SLC35D4: variants seen among roughly 807,000 people sequenced by gnomAD.
The protein encoded by SLC35D4 is UDP-N-acetylglucosamine transporter SLC35D4.
the SLC35D4 span, among the ~76,000 whole-genome samples, chr18:23,387,567 C>T: frequency 6.6e-5 from 10 of 152,134 alleles, no homozygotes; most frequent in African/African-American, 2.2e-4. Context: ...AAAATTATGC[C>T]GCTTGCCTAC....
the SLC35D4 span, among the ~76,000 whole-genome samples, chr18:23,298,410 C>A: frequency 1.3e-5 from 2 of 152,202 alleles, no homozygotes; most frequent in Non-Finnish European, 2.9e-5. Flanking sequence ...CCCATAGAGG[C>A]CTCTGGTGCT....
chr18:23,318,343 A>G, the SLC35D4 span, among the ~76,000 whole-genome samples: 1 of 152,218 alleles, frequency 6.6e-6, no homozygotes, highest in Non-Finnish European at 1.5e-5. Context: ...GTCCCATATC[A>G]GATATATGAT....
the SLC35D4 span, among the ~76,000 whole-genome samples, chr18:23,336,288 C>G: frequency 3.9e-4 from 60 of 152,310 alleles, no homozygotes; most frequent in African/African-American, 1.3e-3. Context: ...ATGCGAATGG[C>G]AGCTCCCAAA....
At chr18:23,347,019 C>T in the SLC35D4 span, among the ~76,000 whole-genome samples, 1 of 152,164 alleles carries the variant, frequency 6.6e-6, no homozygotes, top group Non-Finnish European at 1.5e-5. Flanking sequence ...GGTAACCCAC[C>T]TCATAGAATA....
the SLC35D4 span, among the ~76,000 whole-genome samples, chr18:23,414,075 C>T: frequency 6.7e-6 from 1 of 149,192 alleles, no homozygotes; most frequent in Non-Finnish European, 1.5e-5. Context: ...GCCAAGATGG[C>T]GAAACCCCGT....
At chr18:23,268,582 A>T in the SLC35D4 span, among the ~76,000 whole-genome samples, 1 of 152,014 alleles carries the variant, frequency 6.6e-6, no homozygotes, top group Non-Finnish European at 1.5e-5. Context: ...GGGTTGTAGC[A>T]AGCAGAACAT....
At chr18:23,252,636 T>C in the SLC35D4 span, among the ~76,000 whole-genome samples, 1 of 152,286 alleles carries the variant, frequency 6.6e-6, no homozygotes, top group Admixed American at 6.5e-5. Context: ...CCCACGCGCT[T>C]AAGCCCCATA....
chr18:23,249,599 G>A, the SLC35D4 span, among the ~76,000 whole-genome samples: 10 of 152,262 alleles, frequency 6.6e-5, no homozygotes, highest in African/African-American at 1.9e-4. Flanking sequence ...CGTCTTTTAC[G>A]TACGTTTTGT....
At chr18:23,363,234 CAGAGCA>C in the SLC35D4 span, among the ~76,000 whole-genome samples, 1 of 103,520 alleles carries the variant, frequency 9.7e-6, no homozygotes, top group African/African-American at 3.8e-5. Context: ...GCCTGGGCAA[CAGAGCA>C]AGACTCTGTC....
chr18:23,318,837 A>G, the SLC35D4 span, among the ~76,000 whole-genome samples: 1 of 152,072 alleles, frequency 6.6e-6, no homozygotes, highest in Admixed American at 6.6e-5. Flanking sequence ...TAATTCTTCA[A>G]ATACTTCATA....
At chr18:23,351,723 C>G in the SLC35D4 span, among the ~76,000 whole-genome samples, 1 of 152,330 alleles carries the variant, frequency 6.6e-6, no homozygotes, top group African/African-American at 2.4e-5. Context: ...GGCCATCCCA[C>G]AGCCACTTCC....
the SLC35D4 span, among the ~76,000 whole-genome samples, chr18:23,242,042 G>A: frequency 5.3e-5 from 8 of 152,184 alleles, no homozygotes; most frequent in South Asian, 4.1e-4. Context: ...TTGGAAGGCC[G>A]AGGCGGGTGG....
the SLC35D4 span, among the ~76,000 whole-genome samples, chr18:23,319,506 C>T: frequency 6.6e-3 from 998 of 152,130 alleles, 11 homozygotes; most frequent in African/African-American, 0.023. Flanking sequence ...TCCAATGGTG[C>T]GATCTTGGCT....
chr18:23,294,427 G>A, the SLC35D4 span, among the ~76,000 whole-genome samples: 1 of 152,200 alleles, frequency 6.6e-6, no homozygotes, highest in Non-Finnish European at 1.5e-5. Flanking sequence ...ATAGAAGATG[G>A]TGGTTAAAGC....
chr18:23,319,647 C>A, the SLC35D4 span, among the ~76,000 whole-genome samples: 1 of 152,150 alleles, frequency 6.6e-6, no homozygotes, highest in Non-Finnish European at 1.5e-5. Context: ...CCATGTTGGC[C>A]AGGCTGGTCT....
At chr18:23,392,341 A>G in the SLC35D4 span, among the ~76,000 whole-genome samples, 1 of 152,212 alleles carries the variant, frequency 6.6e-6, no homozygotes, top group Non-Finnish European at 1.5e-5. Flanking sequence ...GAAGAAGGTG[A>G]GGTATCTGAA....
the SLC35D4 span, among the ~76,000 whole-genome samples, chr18:23,428,075 G>A: frequency 6.6e-6 from 1 of 152,052 alleles, no homozygotes; most frequent in Non-Finnish European, 1.5e-5. Flanking sequence ...TGTAAATGAC[G>A]AGTTAATGGG....
At chr18:23,362,489 C>T in the SLC35D4 span, among the ~76,000 whole-genome samples, 3,790 of 152,210 alleles carry the variant, frequency 0.025, 55 homozygotes, top group Middle Eastern at 0.058. Flanking sequence ...ATCTCAGCTA[C>T]TTGGGAGGCT....
chr18:23,313,191 A>G, the SLC35D4 span, among the ~76,000 whole-genome samples: 3 of 145,476 alleles, frequency 2.1e-5, no homozygotes, highest in Non-Finnish European at 3.0e-5. Context: ...TGGAGGGCAC[A>G]TGAACATGCA....
Sources: allele counts gnomAD v4.1 joint callset (sites outside exome capture counted in the v4.1 genomes callset), GRCh38; gene constraint gnomAD v4.1.1; transcripts MANE v1.5; gene names NCBI Gene and HGNC (gene_info 2026-07-23, HGNC 2026-07-21).